HERC2: variants seen among roughly 807,000 people sequenced by gnomAD.
HERC2 encodes the protein E3 ubiquitin-protein ligase HERC2.
A neutral mutation model predicts 537.7 loss-of-function variants in HERC2; 102 were observed. The ratio of observed to expected loss-of-function variants is 0.19; its 90% CI spans 0.16 to 0.22. The LOEUF is 0.22. HERC2 is among the 10% of genes least tolerant of loss of function. The probability of loss-of-function intolerance (pLI) is 1.00; values close to 1 mark genes in which losing one functional copy is unlikely to be tolerated. For missense variants in HERC2, 4,236 were observed against 6,198.2 expected, an observed-to-expected ratio of 0.68 and a Z score of 10.63; for synonymous variants, 2,224 against 2,466.2, an observed-to-expected ratio of 0.90 and a Z score of 2.91.
At position 28,178,955 on chromosome 15, in the gene HERC2, G is replaced by A. The variant is rs1895560748; in HGVS notation, c.9095C>T (p.Thr3032Met). Reference protein sequence around the residue: ...GRLGLGISSGTVPIPRQITAL... With the variant: ...GRLGLGISSGMVPIPRQITAL... ...TGTGATCTGCCGTGGGATGGGCACC[G>A]TCCCGCTGGAAATGCCCAGCCCCAG... Residue 3032 changes from threonine (T) to methionine (M), a missense_variant, in exon 59 of 93, where the codon ACG (threonine) becomes ATG (methionine). Physicochemically the swap from Thr to Met is moderately conservative, Grantham distance 81. This residue lies in a region of HERC2 where 606 missense variants were observed against 884.5 expected (regional missense o/e 0.69). Coordinates refer to ENST00000261609, the MANE Select transcript of HERC2 (RefSeq NM_004667.6). The A allele has an allele frequency of 1.1e-5, 18 of 1,614,140 alleles. No individual in the cohort carries two copies. The highest frequency in any genetic ancestry group is 1.4e-5 in the Non-Finnish European group (17 of 1,180,006).
chr15:28,247,868 G>A (rs910988688), intron 21 of HERC2, among the ~76,000 whole-genome samples: 16 of 152,162 alleles, frequency 1.1e-4, no homozygotes, highest in African/African-American at 3.9e-4. Context: ...AAGTAATTAA[G>A]TTACTTTGGG....
At chr15:28,257,718 T>G (rs2140907497) in intron 16 of HERC2, among the ~76,000 whole-genome samples, 1 of 151,640 alleles carries the variant, frequency 6.6e-6, no homozygotes, top group Admixed American at 6.6e-5. Context: ...ATAGAACATT[T>G]CACCCAACAA....
Position 28,229,281 on chromosome 15 carries a change from T to G in HERC2, c.5186A>C (p.Glu1729Ala). ...LIPPFNRMLL[E>A]VTFGKLYAWA... ...AGCGTACAGCTTGCCAAAGGTGACTTCCAGCAGCATCCGATTAAAAGGCGG... is the reference window on the plus strand; with the variant it reads ...AGCGTACAGCTTGCCAAAGGTGACTGCCAGCAGCATCCGATTAAAAGGCGG... Residue 1729 changes from glutamate (E) to alanine (A), a missense_variant, in exon 34 of 93, where the codon GAA (glutamate) becomes GCA (alanine). This residue lies in a region of HERC2 where 343 missense variants were observed against 417.2 expected (regional missense o/e 0.82). Transcript: ENST00000261609. The G allele has an allele frequency of 6.2e-7, 1 of 1,613,368 alleles. No homozygotes were observed. The highest frequency in any genetic ancestry group is 8.5e-7 in the Non-Finnish European group (1 of 1,179,294).
chr15:28,222,270 T>G, intron 35 of HERC2, 55 bp from the exon 36 acceptor site: 2 of 837,536 alleles, frequency 2.4e-6, no homozygotes, highest in Non-Finnish European at 4.1e-6. Context: ...AGTGTCCCCT[T>G]AATACACACA....
rs780656191 is a variant in HERC2, at chr15:28,135,485, T to G, written c.12223A>C (p.Asn4075His). The change falls in exon 79 of 93, where the codon AAC (asparagine) becomes CAC (histidine). Residue 4075 changes from asparagine to histidine, a missense_variant. Asn to His is a moderately conservative substitution (Grantham distance 68). Transcript: ENST00000261609. ...EAEDGKLGHG[N>H]RSPCDRPRVI... ...AATTTTTTCACATCATACCTTCTGT[T>G]GCCATGCCCCAACTTCCCATCTTCT... The G allele has an allele frequency of 9.3e-6, 15 of 1,613,036 alleles. No homozygotes were observed. In the African/African-American group the frequency reaches 1.7e-4, roughly 19 times the overall value.
chr15:28,126,455 G>C (rs967533395), intron 83 of HERC2, among the ~76,000 whole-genome samples: 2 of 152,138 alleles, frequency 1.3e-5, no homozygotes, highest in Non-Finnish European at 2.9e-5. Context: ...AGCACAATTT[G>C]CAATTACACA....
intron 55 of HERC2, among the ~76,000 whole-genome samples, chr15:28,188,082 T>G (rs1364478964): frequency 6.6e-6 from 1 of 151,742 alleles, no homozygotes; most frequent in Non-Finnish European, 1.5e-5. Context: ...TGAAGAATGC[T>G]ACAGGAAACA....
intron 31 of HERC2, 77 bp downstream of exon 31, chr15:28,230,290 A>C: frequency 6.9e-7 from 1 of 1,441,442 alleles, no homozygotes; most frequent in East Asian, 2.3e-5. Context: ...CCAGATGCTC[A>C]GGACAAGACT....
At chr15:28,235,151 C>G (rs749746546) in intron 26 of HERC2, among the ~76,000 whole-genome samples, 10 of 152,120 alleles carry the variant, frequency 6.6e-5, no homozygotes, top group Non-Finnish European at 1.2e-4. Flanking sequence ...TGTTCTTTTA[C>G]TGGACATTTA....
chr15:28,246,010 C>T lies in HERC2; in HGVS notation c.3448G>A (p.Gly1150Ser), dbSNP rs1376931206. ...SIVLLLSKNA[G>S]LMQEAGAVPL... is the part of the protein sequence containing the mutation. The stretch of plus-strand genomic sequence containing the variant: ...ACAGCTCCAGCCTCTTGCATGAGAC[C>T]AGCATTTTTACTGAGCAGAAGCACT... The change falls in exon 23 of 93, where the codon GGT becomes AGT. Residue 1150 changes from glycine (G) to serine (S), a missense_variant. Physicochemically the swap from Gly to Ser is moderately conservative, Grantham distance 56. Transcript: ENST00000261609. 6.2e-7 allele frequency: 1 copy of T among 1,613,810 alleles called. No homozygotes were observed. The highest frequency in any genetic ancestry group is 1.1e-5 in the South Asian group (1 of 91,068).
intron 34 of HERC2, 132 bp from the exon 35 acceptor site, chr15:28,228,541 A>C: frequency 1.2e-6 from 1 of 852,030 alleles, no homozygotes; most frequent in Admixed American, 2.1e-5. Flanking sequence ...GCATGGATGC[A>C]AGAATAAACG....
At chr15:28,314,734 G>A (rs1215335609) in intron 2 of HERC2, among the ~76,000 whole-genome samples, 3 of 151,504 alleles carry the variant, frequency 2.0e-5, no homozygotes, top group East Asian at 2.0e-4. Context: ...GATGGTACAC[G>A]CCTGTAATCC....
chr15:28,288,440 T>C (rs1236420533), intron 4 of HERC2, among the ~76,000 whole-genome samples: 1 of 1,986 alleles, frequency 5.0e-4, no homozygotes, highest in African/African-American at 2.0e-3. Flanking sequence ...CCAGAATCGT[T>C]TGAACCCAGG....
chr15:28,248,522 C>G (rs749134969), intron 21 of HERC2, 30 bp downstream of exon 21: 2 of 1,571,646 alleles, frequency 1.3e-6, no homozygotes, highest in Non-Finnish European at 1.7e-6. Flanking sequence ...CGATCACATA[C>G]AAGACACTTT....
intron 56 of HERC2, 112 bp from the exon 57 acceptor site, chr15:28,182,624 C>A (rs1596149461): frequency 1.2e-6 from 1 of 807,448 alleles, no homozygotes. Context: ...TGGTTACTTT[C>A]AGAAACTCTT....
At chr15:28,273,351 A>T (rs538073038) in intron 7 of HERC2, among the ~76,000 whole-genome samples, 1 of 152,378 alleles carries the variant, frequency 6.6e-6, no homozygotes, top group East Asian at 1.9e-4. Context: ...AGACTATACC[A>T]GTATCAGCAT....
At chr15:28,163,014 T>C (rs951221235) in intron 69 of HERC2, 80 bp downstream of exon 69, 17 of 1,197,068 alleles carry the variant, frequency 1.4e-5, no homozygotes, top group East Asian at 4.7e-5. Context: ...CGGTGATCCA[T>C]AGCAGCTCTC....
chr15:28,250,238 A>G (rs1904173864), intron 20 of HERC2, among the ~76,000 whole-genome samples: 1 of 152,174 alleles, frequency 6.6e-6, no homozygotes, highest in Non-Finnish European at 1.5e-5. Context: ...GAAGCAGGAG[A>G]CAGAGGAGCC....
At position 28,280,094 on chromosome 15, in the gene HERC2, A is replaced by T. The variant is rs1231039719; in HGVS notation, c.516T>A (p.Ile172=). 1.2e-6 allele frequency: 2 copies of T among 1,613,864 alleles called. No individual in the cohort carries two copies. The highest frequency in any genetic ancestry group is 1.7e-6 in the Non-Finnish European group (2 of 1,179,926). Residue 172 remains isoleucine (I), a synonymous_variant, in exon 5 of 93, where the codon ATT becomes ATA. Coordinates refer to ENST00000261609, the MANE Select transcript of HERC2 (RefSeq NM_004667.6). The part of the protein sequence containing the change: ...NVKVKWKSSG[I]SLPPVDKKSS... The stretch of plus-strand genomic sequence containing the variant: ...TTTTTTTGTCCACAGGAGGCAGAGA[A>T]ATACCGCTGCTTTTCCACTTAACTT...
Sources: allele counts gnomAD v4.1 joint callset (sites outside exome capture counted in the v4.1 genomes callset), GRCh38; gene constraint gnomAD v4.1.1; regional missense constraint gnomAD v4.1.1; transcripts MANE v1.5; gene names NCBI Gene and HGNC (gene_info 2026-07-23, HGNC 2026-07-21).